CDC42EP5: variants seen among roughly 807,000 people sequenced by gnomAD.
CDC42EP5 encodes CDC42 effector protein (Rho GTPase binding) 5.
For missense variants in CDC42EP5, 269 were observed against 238.0 expected, an observed-to-expected ratio of 1.13 and a Z score of -0.86; for synonymous variants, 118 against 123.3, an observed-to-expected ratio of 0.96 and a Z score of 0.28.
At chr19:54,465,968 A>C (rs549101315) in intron 2 of CDC42EP5, among the ~76,000 whole-genome samples, 2 of 152,318 alleles carry the variant, frequency 1.3e-5, no homozygotes, top group South Asian at 4.1e-4. Flanking sequence ...ATGAGACTCC[A>C]GGAGGTCCCA....
At chr19:54,466,241 G>A (rs1334688107) in intron 2 of CDC42EP5, among the ~76,000 whole-genome samples, 1 of 151,942 alleles carries the variant, frequency 6.6e-6, no homozygotes, top group African/African-American at 2.4e-5. Flanking sequence ...CCAGGAGTTC[G>A]AGACCAGCCT....
intron 1 of CDC42EP5, among the ~76,000 whole-genome samples, chr19:54,472,751 A>G (rs2084862736): frequency 1.5e-5 from 1 of 68,412 alleles, no homozygotes; most frequent in Non-Finnish European, 2.8e-5. Context: ...CCTCCCTCAG[A>G]CCCAGGAGTC....
At position 54,471,609 on chromosome 19, in the gene CDC42EP5, G is replaced by A. The variant is rs1430891601; in HGVS notation, c.-65C>T. ...ACTCCAGCTCTAGCCCGGACCCCTG[G>A]TTCCCTGGCTCCGAGTCCGCCTCCG... On this transcript the variant is annotated 5_prime_UTR_variant, in exon 2 of 3. Coordinates refer to ENST00000301200, the MANE Select transcript of CDC42EP5 (RefSeq NM_145057.4). The A allele has an allele frequency of 6.6e-6, 1 of 152,186 alleles. No individual in the cohort carries two copies. The highest frequency in any genetic ancestry group is 6.5e-5 in the Admixed American group (1 of 15,270). The allele number at this position is 152,186 out of a possible 1,614,324, so 9.4% of individuals were successfully genotyped here.
Position 54,471,688 on chromosome 19 carries a change from G to A in CDC42EP5, c.-141-3C>T, listed in dbSNP as rs902959276. The A allele has an allele frequency of 2.6e-5, 4 of 152,630 alleles. No homozygotes were observed. Among genetic ancestry groups the A allele is most frequent in the African/African-American group, 9.7e-5 (4 of 41,416 alleles). The allele number at this position is 152,630 out of a possible 1,614,324, so 9.5% of individuals were successfully genotyped here. On this transcript the variant is annotated splice_region_variant and splice_polypyrimidine_tract_variant and intron_variant, in intron 1 of 2. Coordinates refer to ENST00000301200, the MANE Select transcript of CDC42EP5 (RefSeq NM_145057.4). ...TCTTCCTCCGGGCGGGTTCTCACCTGGTAAGGAAAGTGTCATGTGGAACCC... is the reference window on the plus strand; with the variant it reads ...TCTTCCTCCGGGCGGGTTCTCACCTAGTAAGGAAAGTGTCATGTGGAACCC...
chr19:54,466,380 G>A (rs2084756969), intron 2 of CDC42EP5, among the ~76,000 whole-genome samples: 1 of 152,114 alleles, frequency 6.6e-6, no homozygotes, highest in African/African-American at 2.4e-5. Flanking sequence ...GCAGGGAGCC[G>A]AGATCGTGTC....
At position 54,465,478 on chromosome 19, in the gene CDC42EP5, A is replaced by G; in HGVS notation, c.70T>C (p.Ser24Pro). Residue 24 changes from serine (S) to proline (P), a missense_variant, in exon 3 of 3, where the codon TCC becomes CCC. By Grantham distance (74) the Ser-to-Pro change is moderately conservative (BLOSUM62 -1). Transcript: ENST00000301200. The stretch of plus-strand genomic sequence containing the variant: ...TGCCGGAAGTCGCCGAGCGGCGCGG[A>G]GATGGACAGGGCGCCGCGATCAGGC... ...KRPDRGALSI[S>P]APLGDFRHTL... 1 of 1,531,518 alleles carries G rather than the reference A, an allele frequency of 6.5e-7. No individual in the cohort carries two copies. The highest frequency in any genetic ancestry group is 8.7e-7 in the Non-Finnish European group (1 of 1,151,660). The allele number at this position is 1,531,518 out of a possible 1,614,324, so 94.9% of individuals were successfully genotyped here. A position where few individuals can be genotyped will look rare whatever the true frequency, so the allele number is the denominator to read the frequency against.
At chr19:54,470,488 A>C (rs569988044) in intron 2 of CDC42EP5, among the ~76,000 whole-genome samples, 2 of 151,048 alleles carry the variant, frequency 1.3e-5, no homozygotes, top group Non-Finnish European at 2.9e-5. Flanking sequence ...AGAAAGAAAA[A>C]GAAAGGAAAG....
Position 54,466,015 on chromosome 19 carries a change from T to G in CDC42EP5, c.1-468A>C, listed in dbSNP as rs79918763. 5.9e-3 allele frequency among the ~76,000 whole-genome samples: 905 copies of G among 152,288 alleles called. 8 individuals carry two copies. The highest frequency in any genetic ancestry group is 0.02 in the African/African-American group (842 of 41,552). ...GCTGAGCTCACATTTGGATCTAACCTGACTCCAGAATGCCTATGAACACCA... is the reference window on the plus strand; with the variant it reads ...GCTGAGCTCACATTTGGATCTAACCGGACTCCAGAATGCCTATGAACACCA... On this transcript the variant is annotated intron_variant, in intron 2 of 2. Transcript: ENST00000301200.
At chr19:54,470,740 C>T (rs754044097) in intron 2 of CDC42EP5, among the ~76,000 whole-genome samples, 12 of 152,156 alleles carry the variant, frequency 7.9e-5, no homozygotes, top group Non-Finnish European at 1.3e-4. Context: ...GAAGTTAAGT[C>T]ACTTGCCCTG....
At position 54,468,926 on chromosome 19, in the gene CDC42EP5, T is replaced by TCTTTCTTTCTTTCTTG. The variant is rs1491270707; in HGVS notation, c.-1+2618_-1+2619insCAAGAAAGAAAGAAAG. On this transcript the variant is annotated intron_variant, in intron 2 of 2. Coordinates refer to ENST00000301200, the MANE Select transcript of CDC42EP5 (RefSeq NM_145057.4). ...TTCCTTCCTTCCTTCCTTCCTTCTT[T>TCTTTCTTTCTTTCTTG]CTTTCTTTTCTTCCCTCCCTCCCTC... Among the ~76,000 whole-genome samples, 51 of 147,316 alleles carry TCTTTCTTTCTTTCTTG rather than the reference T, an allele frequency of 3.5e-4. No homozygotes were observed. The East Asian group carries it at 9.7e-3, about 28-fold the overall frequency.
chr19:54,465,343 G>GCGGGGCCCCCGCGGGGGGCGCCCGGGGCT lies in CDC42EP5; in HGVS notation c.176_204dup (p.Arg69SerfsTer84). On this transcript the variant is annotated frameshift_variant, in exon 3 of 3. Coordinates refer to ENST00000301200, the MANE Select transcript of CDC42EP5 (RefSeq NM_145057.4). LOFTEE classifies it low-confidence loss of function (END_TRUNC). The stretch of plus-strand genomic sequence containing the variant: ...GGGACGGCGGGCGGCGGCGGGGAGC[G>GCGGGGCCCCCGCGGGGGGCGCCCGGGGCT]CGGGGCCCCCGCGGGGGGCGCCCGG... The GCGGGGCCCCCGCGGGGGGCGCCCGGGGCT allele has an allele frequency of 8.6e-7, 1 of 1,167,570 alleles. No homozygotes were observed. Among genetic ancestry groups the GCGGGGCCCCCGCGGGGGGCGCCCGGGGCT allele is most frequent in the Non-Finnish European group, 1.1e-6 (1 of 946,742 alleles). The allele number at this position is 1,167,570 out of a possible 1,614,324, so 72.3% of individuals were successfully genotyped here.
rs778822762 is a variant in CDC42EP5 at position 54,465,460 on chromosome 19, A to G, written c.88T>C (p.Phe30Leu). 2 of 1,518,512 alleles carry G rather than the reference A, an allele frequency of 1.3e-6. No individual in the cohort carries two copies. Among genetic ancestry groups the G allele is most frequent in the Non-Finnish European group, 1.7e-6 (2 of 1,145,016 alleles). The allele number at this position is 1,518,512 out of a possible 1,614,324, so 94.1% of individuals were successfully genotyped here. A position where few individuals can be genotyped will look rare whatever the true frequency, so the allele number is the denominator to read the frequency against. ...ALSISAPLGD[F>L]RHTLHVGRGG... ...CGCCCCACGTGCAGCGTGTGCCGGAAGTCGCCGAGCGGCGCGGAGATGGAC... is the reference window on the plus strand; with the variant it reads ...CGCCCCACGTGCAGCGTGTGCCGGAGGTCGCCGAGCGGCGCGGAGATGGAC... Residue 30 changes from phenylalanine (F) to leucine (L), a missense_variant, in exon 3 of 3, where the codon TTC becomes CTC. Physicochemically the swap from Phe to Leu is conservative, Grantham distance 22. Coordinates refer to ENST00000301200, the MANE Select transcript of CDC42EP5 (RefSeq NM_145057.4).
intron 2 of CDC42EP5, among the ~76,000 whole-genome samples, chr19:54,468,626 C>G (rs1457219793): frequency 2.0e-5 from 3 of 152,222 alleles, no homozygotes; most frequent in African/African-American, 7.2e-5. Context: ...TCACTGCAAC[C>G]TCCGCCTCCC....
intron 2 of CDC42EP5, among the ~76,000 whole-genome samples, chr19:54,469,085 C>G (rs1044584070): frequency 2.9e-4 from 44 of 152,040 alleles, no homozygotes; most frequent in Non-Finnish European, 6.2e-4. Flanking sequence ...ACCTCCGCCT[C>G]CCAGGTTCAA....
intron 2 of CDC42EP5, among the ~76,000 whole-genome samples, chr19:54,467,522 C>G (rs901157561): frequency 1.3e-5 from 2 of 150,412 alleles, no homozygotes; most frequent in African/African-American, 4.9e-5. Context: ...CTGGCAGCAT[C>G]TGCATTGTAA....
chr19:54,470,758 C>G (rs1335826969), intron 2 of CDC42EP5, among the ~76,000 whole-genome samples: 1 of 152,170 alleles, frequency 6.6e-6, no homozygotes. Flanking sequence ...CTGGGTCACA[C>G]AGTAGCAAAT....
chr19:54,469,079 C>T (rs1426691667), intron 2 of CDC42EP5, among the ~76,000 whole-genome samples: 1 of 151,906 alleles, frequency 6.6e-6, no homozygotes, highest in South Asian at 2.1e-4. Context: ...ACTGCAACCT[C>T]CGCCTCCCAG....
chr19:54,465,288 G>C lies in CDC42EP5; in HGVS notation c.260C>G (p.Pro87Arg). 7.7e-7 allele frequency: 1 copy of C among 1,292,054 alleles called. No individual in the cohort carries two copies. Among genetic ancestry groups the C allele is most frequent in the Non-Finnish European group, 9.8e-7 (1 of 1,017,346 alleles). 80.0% of individuals were successfully genotyped at this position (1,292,054 alleles called of 1,614,324 possible). A position where few individuals can be genotyped will look rare whatever the true frequency, so the allele number is the denominator to read the frequency against. Residue 87 changes from proline (P) to arginine (R), a missense_variant, in exon 3 of 3, where the codon CCG becomes CGG. Pro to Arg is a moderately radical substitution (Grantham distance 103, BLOSUM62 -2). Coordinates refer to ENST00000301200, the MANE Select transcript of CDC42EP5 (RefSeq NM_145057.4). ...PQSAAPSPAD[P>R]LLSFHLDLGP... ...CAGATCCAGGTGGAAGGACAGCAGC[G>C]GGTCGGCAGGCGAGGGCGCTGCGGA...
intron 2 of CDC42EP5, among the ~76,000 whole-genome samples, chr19:54,468,630 G>A (rs2084786463): frequency 6.6e-6 from 1 of 151,846 alleles, no homozygotes; most frequent in Non-Finnish European, 1.5e-5. Context: ...TGCAACCTCC[G>A]CCTCCCGGAC....
Sources: gnomAD v4.1 joint callset for allele counts (sites outside exome capture counted in the v4.1 genomes callset) on GRCh38, gnomAD v4.1.1 for gene constraint, MANE v1.5 for transcripts, NCBI Gene and HGNC (gene_info 2026-07-23, HGNC 2026-07-21) for gene names.